Variants in ZNF423 observed in about 807,000 individuals in gnomAD.
ZNF423 encodes zinc finger protein 423.
ZNF423 carries 12 observed loss-of-function variants against 95.8 expected under a neutral mutation model. The ratio of observed to expected loss-of-function variants is 0.13; its 90% CI spans 0.08 to 0.20. The LOEUF (loss-of-function observed/expected upper bound fraction) is 0.20. Ranked by LOEUF, ZNF423 falls within the 10% of genes least tolerant of loss-of-function variation. The pLI is 1.00. For synonymous variants in ZNF423, 749 were observed against 711.9 expected (o/e 1.05, Z -0.83); for missense variants, 1,316 against 1,737.1 (o/e 0.76, Z 4.31).
intron 5 of ZNF423, among the ~76,000 whole-genome samples, chr16:49,621,565 G>T (rs1461340756): frequency 6.6e-6 from 1 of 152,160 alleles, no homozygotes; most frequent in African/African-American, 2.4e-5. Context: ...GCCTGCCTCA[G>T]ACCCCCAAGT....
intron 3 of ZNF423, among the ~76,000 whole-genome samples, chr16:49,673,144 C>T (rs1224591395): frequency 6.6e-6 from 1 of 152,232 alleles, no homozygotes; most frequent in Non-Finnish European, 1.5e-5. Flanking sequence ...AACAAATATG[C>T]TAAACACAGC....
At chr16:49,522,275 G>A (rs1322393729) in intron 7 of ZNF423, among the ~76,000 whole-genome samples, 2 of 152,168 alleles carry the variant, frequency 1.3e-5, no homozygotes, top group African/African-American at 2.4e-5. Context: ...GGGCATGCCC[G>A]CGGGACTTAC....
chr16:49,845,128 T>G lies in ZNF423; in HGVS notation c.40+10607A>C, dbSNP rs183743191. 4.4e-3 allele frequency among the ~76,000 whole-genome samples: 663 copies of G among 151,442 alleles called. 2 individuals are homozygous for G. Among genetic ancestry groups the G allele is most frequent in the Admixed American group, 7.5e-3 (114 of 15,208 alleles). On this transcript the variant is annotated intron_variant, in intron 1 of 7. Coordinates refer to ENST00000563137, the MANE Select transcript of ZNF423 (RefSeq NM_001379286.1). ...GATTTTTTTGTTTGTTTGTGTTTTT[T>G]GGGGTTTTTTGTTTGTTTGTTTTTG...
chr16:49,608,476 T>C (rs1971613221), intron 5 of ZNF423, among the ~76,000 whole-genome samples: 1 of 152,236 alleles, frequency 6.6e-6, no homozygotes, highest in African/African-American at 2.4e-5. Context: ...ACAGATGTAC[T>C]ATTCCCTATT....
intron 1 of ZNF423, among the ~76,000 whole-genome samples, chr16:49,848,569 C>T (rs1306118546): frequency 3.9e-5 from 6 of 152,144 alleles, no homozygotes; most frequent in Non-Finnish European, 8.8e-5. Context: ...CCCCAGCACC[C>T]CCATTATCTG....
At chr16:49,534,771 C>T (rs568734032) in intron 5 of ZNF423, among the ~76,000 whole-genome samples, 6 of 152,230 alleles carry the variant, frequency 3.9e-5, no homozygotes, top group Admixed American at 6.5e-5. Context: ...TCCTATGCTA[C>T]TTCCACCTTC....
intron 2 of ZNF423, among the ~76,000 whole-genome samples, chr16:49,732,001 C>T (rs2033180992): frequency 1.3e-5 from 2 of 152,128 alleles, no homozygotes; most frequent in South Asian, 2.1e-4. Context: ...TGCTGTGTTC[C>T]GTGCTTCTTC....
intron 3 of ZNF423, among the ~76,000 whole-genome samples, chr16:49,727,626 G>C (rs978141292): frequency 6.6e-6 from 1 of 152,150 alleles, no homozygotes; most frequent in Non-Finnish European, 1.5e-5. Context: ...GCTTGCAAGG[G>C]CTGACCCTGC....
intron 3 of ZNF423, among the ~76,000 whole-genome samples, chr16:49,657,473 C>T (rs2151910675): frequency 6.6e-6 from 1 of 152,352 alleles, no homozygotes; most frequent in Middle Eastern, 3.4e-3. Flanking sequence ...GCTGCAGGGA[C>T]AGTCTGAGTA....
chr16:49,580,402 T>C (rs1258114885), intron 5 of ZNF423, among the ~76,000 whole-genome samples: 1 of 152,234 alleles, frequency 6.6e-6, no homozygotes, highest in African/African-American at 2.4e-5. Context: ...TATTCCTGGC[T>C]TTCCCATCAA....
At chr16:49,764,935 T>C (rs1374282134) in intron 2 of ZNF423, among the ~76,000 whole-genome samples, 1 of 151,172 alleles carries the variant, frequency 6.6e-6, no homozygotes, top group Non-Finnish European at 1.5e-5. Context: ...TTTTTTGTAT[T>C]TTTAGTAGAG....
chr16:49,598,351 G>A (rs887540695), intron 5 of ZNF423, among the ~76,000 whole-genome samples: 1 of 152,248 alleles, frequency 6.6e-6, no homozygotes, highest in South Asian at 2.1e-4. Flanking sequence ...AATAATGCAC[G>A]TAAGGTGCCT....
chr16:49,574,530 A>C (rs1003828300), intron 5 of ZNF423, among the ~76,000 whole-genome samples: 2 of 152,180 alleles, frequency 1.3e-5, no homozygotes, highest in Non-Finnish European at 2.9e-5. Context: ...TTGGAGAACC[A>C]CTGATCTAGT....
At chr16:49,508,513 TAAA>T (rs35061120) in intron 7 of ZNF423, among the ~76,000 whole-genome samples, 6,681 of 101,764 alleles carry the variant, frequency 0.066, 212 homozygotes, top group African/African-American at 0.075. Context: ...TTCTCTTTCT[TAAA>T]AAAAAAAAAA....
chr16:49,806,842 C>T (rs1411658188), intron 1 of ZNF423, among the ~76,000 whole-genome samples: 3 of 151,706 alleles, frequency 2.0e-5, no homozygotes, highest in Non-Finnish European at 4.4e-5. Flanking sequence ...GCCTGGACAA[C>T]ATGGTGAAAC....
chr16:49,772,731 A>T (rs753860599), intron 2 of ZNF423, among the ~76,000 whole-genome samples: 21 of 152,110 alleles, frequency 1.4e-4, no homozygotes, highest in Non-Finnish European at 2.9e-4. Context: ...ACATCTTAAA[A>T]CCCCAGAGTC....
intron 5 of ZNF423, among the ~76,000 whole-genome samples, chr16:49,588,583 C>T (rs1170606083): frequency 3.9e-5 from 6 of 152,232 alleles, no homozygotes; most frequent in Non-Finnish European, 8.8e-5. Flanking sequence ...TAAACCTTTT[C>T]TGACTATTCC....
chr16:49,792,002 CAA>C (rs1227429391), intron 1 of ZNF423, among the ~76,000 whole-genome samples: 7 of 71,252 alleles, frequency 9.8e-5, no homozygotes, highest in African/African-American at 1.4e-4. Flanking sequence ...GACTCCATCT[CAA>C]AAAAAAAAAA....
Position 49,491,171 on chromosome 16 carries a change from T to C in ZNF423, c.*104A>G, listed in dbSNP as rs1242598001. On this transcript the variant is annotated 3_prime_UTR_variant, in exon 8 of 8. Coordinates refer to ENST00000563137, the MANE Select transcript of ZNF423 (RefSeq NM_001379286.1). Reference sequence around the variant, plus strand: ...ATGGCCAAATCATTAGAGTTTTACATCTGGGTTGCAAATGACACTTTGATT... The same window carrying C: ...ATGGCCAAATCATTAGAGTTTTACACCTGGGTTGCAAATGACACTTTGATT... The C allele has an allele frequency of 3.6e-6, 5 of 1,379,414 alleles. No homozygotes were observed. The African/African-American group carries it at 5.7e-5, about 16-fold the overall frequency. The allele number at this position is 1,379,414 out of a possible 1,614,324, so 85.4% of individuals were successfully genotyped here. A position where few individuals can be genotyped will look rare whatever the true frequency, so the allele number is the denominator to read the frequency against.
Sources: allele counts gnomAD v4.1 joint callset (sites outside exome capture counted in the v4.1 genomes callset), GRCh38; gene constraint gnomAD v4.1.1; transcripts MANE v1.5; gene names NCBI Gene and HGNC (gene_info 2026-07-23, HGNC 2026-07-21).